The following MIA2 variants were observed in gnomAD, a reference collection of about 807,000 sequenced individuals.
MIA2 encodes the protein melanoma inhibitory activity protein 2.
MIA2 carries 127 observed loss-of-function variants against 167.8 expected under a neutral mutation model. The ratio of observed to expected loss-of-function variants is 0.76; its 90% confidence interval spans 0.66 to 0.88. The LOEUF (loss-of-function observed/expected upper bound fraction) is 0.88, where lower values mean the gene tolerates loss of function less well. Ranked by LOEUF, MIA2 falls within the 40% of genes least tolerant of loss-of-function variation. The pLI is 0.00. For missense variants in MIA2, 1,690 were observed against 1,624.7 expected (o/e 1.04, Z -0.69); for synonymous variants, 552 against 541.9 (o/e 1.02, Z -0.26).
chr14:39,338,965 G>A (rs1566980832), intron 25 of MIA2, among the ~76,000 whole-genome samples: 1 of 152,184 alleles, frequency 6.6e-6, no homozygotes. Context: ...TAGATCAGCA[G>A]TCCCTAACCT....
intron 9 of MIA2, among the ~76,000 whole-genome samples, chr14:39,281,285 T>A (rs955567239): frequency 6.6e-6 from 1 of 151,810 alleles, no homozygotes; most frequent in African/African-American, 2.4e-5. Flanking sequence ...TTGCCCTTTT[T>A]TGTTCTTTCT....
At chr14:39,329,870 C>G (rs1376665007) in intron 25 of MIA2, among the ~76,000 whole-genome samples, 1 of 152,100 alleles carries the variant, frequency 6.6e-6, no homozygotes, top group Non-Finnish European at 1.5e-5. Flanking sequence ...ATTTGGTTTG[C>G]CAGTATTTTA....
At chr14:39,380,637 G>A (rs1230094202) in intron 23 of MIA2, among the ~76,000 whole-genome samples, 2 of 143,558 alleles carry the variant, frequency 1.4e-5, no homozygotes, top group Admixed American at 1.4e-4. Context: ...AGGTTGCAGT[G>A]AGCTGAGATC....
intron 25 of MIA2, among the ~76,000 whole-genome samples, chr14:39,340,605 A>G (rs956795430): frequency 6.6e-6 from 1 of 152,218 alleles, no homozygotes; most frequent in Admixed American, 6.5e-5. Flanking sequence ...GTTTGTCTTA[A>G]GGCTCATTTT....
In MIA2 at chr14:39,247,592, G is replaced by C; in HGVS notation, c.1018G>C (p.Asp340His). The C allele has an allele frequency of 6.2e-7, 1 of 1,613,892 alleles. No individual in the cohort carries two copies. The highest frequency in any genetic ancestry group is 1.1e-5 in the South Asian group (1 of 91,034). Residue 340 changes from aspartate (D) to histidine (H), a missense_variant, in exon 4 of 29, where the codon GAT becomes CAT. By Grantham distance (81) the Asp-to-His change is moderately conservative (BLOSUM62 -1). Coordinates refer to ENST00000640607, the MANE Select transcript of MIA2 (RefSeq NM_001329214.4). Reference sequence around the variant, plus strand: ...TGAAGAAAGCAATCCACCACTACAAGATTTTCCCAATTCCATATCATCTGA... The same window carrying C: ...TGAAGAAAGCAATCCACCACTACAACATTTTCCCAATTCCATATCATCTGA... ...IAEESNPPLQ[D>H]FPNSISSDKE...
At chr14:39,267,196 C>G in intron 6 of MIA2, 1 of 1,301,722 alleles carries the variant, frequency 7.7e-7, no homozygotes, top group Non-Finnish European at 9.8e-7. Flanking sequence ...CAGGGTACGT[C>G]GCAGGCTTGT....
At chr14:39,351,164 A>C (rs2074351532), downstream of MIA2, 1 of 152,164 alleles carries the variant, frequency 6.6e-6, no homozygotes, top group Non-Finnish European at 1.5e-5. Context: ...AAGGCAGTGA[A>C]GCATAACTAA....
intron 23 of MIA2, among the ~76,000 whole-genome samples, chr14:39,371,998 A>T (rs939258017): frequency 1.3e-5 from 2 of 152,040 alleles, no homozygotes; most frequent in Non-Finnish European, 2.9e-5. Flanking sequence ...CAAAAGTCTT[A>T]AGGATGGCTC....
At chr14:39,277,677 T>A (rs1291043835) in intron 7 of MIA2, among the ~76,000 whole-genome samples, 1 of 11,868 alleles carries the variant, frequency 8.4e-5, no homozygotes, top group Non-Finnish European at 1.5e-4. Context: ...ATCTTTTATA[T>A]ATATATATAT....
intron 23 of MIA2, among the ~76,000 whole-genome samples, chr14:39,364,480 C>A (rs34894621): frequency 0.27 from 39,578 of 147,520 alleles, 5,415 homozygotes; most frequent in East Asian, 0.51. Flanking sequence ...ACATTTGAAT[C>A]CTTTTTGTTC....
chr14:39,376,304 A>T (rs2075045211), intron 23 of MIA2, among the ~76,000 whole-genome samples: 1 of 152,176 alleles, frequency 6.6e-6, no homozygotes, highest in African/African-American at 2.4e-5. Flanking sequence ...AGACAAGTTG[A>T]TTTCTAAACG....
chr14:39,315,648 A>G, intron 20 of MIA2, 35 bp from the exon 21 acceptor site: 1 of 1,480,956 alleles, frequency 6.8e-7, no homozygotes, highest in South Asian at 1.2e-5. Context: ...AAGAAAAATA[A>G]TGGTCAGTAG....
At chr14:39,376,440 G>T (rs1011542526) in intron 23 of MIA2, among the ~76,000 whole-genome samples, 1 of 152,104 alleles carries the variant, frequency 6.6e-6, no homozygotes, top group Non-Finnish European at 1.5e-5. Context: ...TGTTTTTAAA[G>T]ATAGCTCTAT....
intron 7 of MIA2, among the ~76,000 whole-genome samples, chr14:39,277,762 A>ATATGTGTG (rs1858694868): frequency 8.5e-5 from 3 of 35,342 alleles, no homozygotes; most frequent in Non-Finnish European, 1.5e-4. Flanking sequence ...ATATATATAT[A>ATATGTGTG]TATATATATA....
At position 39,279,506 on chromosome 14, in the gene MIA2, T is replaced by C; in HGVS notation, c.2099T>C (p.Leu700Pro). The C allele has an allele frequency of 6.2e-7, 1 of 1,607,614 alleles. No homozygotes were observed. The highest frequency in any genetic ancestry group is 8.5e-7 in the Non-Finnish European group (1 of 1,178,554). ...GGACTAATTGAAGAAAAAAGTAAAC[T>C]ACTTGAAAAATTTAGCCTTGTTCAA... The part of the protein sequence containing the change: ...LSGLIEEKSK[L>P]LEKFSLVQKE... Residue 700 changes from leucine to proline, a missense_variant, in exon 9 of 29, where the codon CTA (leucine) becomes CCA (proline). Physicochemically the swap from Leu to Pro is moderately conservative, Grantham distance 98. Coordinates refer to ENST00000640607, the MANE Select transcript of MIA2 (RefSeq NM_001329214.4).
rs371959005 is a variant in MIA2 at position 39,303,489 on chromosome 14, A to G, written c.2752A>G (p.Lys918Glu). 9 of 1,611,076 alleles carry G rather than the reference A, an allele frequency of 5.6e-6. No homozygotes were observed. Among genetic ancestry groups the G allele is most frequent in the Non-Finnish European group, 6.8e-6 (8 of 1,178,140 alleles). ...GATTTTCACTGTAGATAATCCTCCA[A>G]AAGGAGCTTTGAAGAAACTGATTCA... Reference protein sequence around the residue: ...ENGAYLDNPPKGALKKLIHAA... With the variant: ...ENGAYLDNPPEGALKKLIHAA... The change falls in exon 16 of 29, where the codon AAA becomes GAA. Residue 918 changes from lysine to glutamate, a missense_variant. Coordinates refer to ENST00000640607, the MANE Select transcript of MIA2 (RefSeq NM_001329214.4).
At position 39,350,370 on chromosome 14, in the gene MIA2, G is replaced by A; in HGVS notation, c.*106G>A. 1.9e-6 allele frequency: 1 copy of A among 533,078 alleles called. No homozygotes were observed. Among genetic ancestry groups the A allele is most frequent in the Non-Finnish European group, 3.4e-6 (1 of 298,346 alleles). The allele number at this position is 533,078 out of a possible 1,614,324, so 33.0% of individuals were successfully genotyped here. On this transcript the variant is annotated 3_prime_UTR_variant, in exon 29 of 29. Transcript: ENST00000640607. ...ACTTTTGCTCAAATTGAAGCTTAAT[G>A]GAATTATAATTCTCAGGATAGTATT...
rs2053872683 is a variant in MIA2 at position 39,238,495 on chromosome 14, G to GA, written c.249+1447dup. On this transcript the variant is annotated intron_variant, in intron 2 of 28. Coordinates refer to ENST00000640607, the MANE Select transcript of MIA2 (RefSeq NM_001329214.4). ...GCCCTAGGTGTATAAGTTTTTTATA[G>GA]AAAAAAATAACAGCTTGGGCCAGGC... Among the ~76,000 whole-genome samples the GA allele has an allele frequency of 2.6e-5, 4 of 151,944 alleles. No individual in the cohort carries two copies. In the South Asian group the frequency reaches 8.3e-4, roughly 32 times the overall value.
chr14:39,335,773 C>T (rs1407721454), intron 25 of MIA2, among the ~76,000 whole-genome samples: 1 of 152,162 alleles, frequency 6.6e-6, no homozygotes, highest in Non-Finnish European at 1.5e-5. Context: ...CCTCGCTCTA[C>T]TCTGGTAGTC....
Sources: gnomAD v4.1 joint callset for allele counts (sites outside exome capture counted in the v4.1 genomes callset) on GRCh38, gnomAD v4.1.1 for gene constraint, MANE v1.5 for transcripts, NCBI Gene and HGNC (gene_info 2026-07-23, HGNC 2026-07-21) for gene names.